MROH2B: variants seen among roughly 807,000 people sequenced by gnomAD.
MROH2B encodes the protein maestro heat-like repeat-containing protein family member 2B.
A neutral mutation model predicts 208.6 loss-of-function variants in MROH2B; 177 were observed. The ratio of observed to expected loss-of-function variants is 0.85; its 90% CI spans 0.75 to 0.96. The LOEUF (loss-of-function observed/expected upper bound fraction) is 0.96. Ranked by LOEUF, MROH2B falls within the 40% of genes least tolerant of loss-of-function variation. The probability of loss-of-function intolerance (pLI) is 0.00; values close to 1 mark genes in which losing one functional copy is unlikely to be tolerated. For synonymous variants in MROH2B, 728 were observed against 659.0 expected (o/e 1.10, Z -1.60); for missense variants, 2,002 against 1,878.7 (o/e 1.07, Z -1.21).
chr5:41,028,847 G>A (rs186296401), intron 24 of MROH2B, among the ~76,000 whole-genome samples: 1 of 152,186 alleles, frequency 6.6e-6, no homozygotes, highest in African/African-American at 2.4e-5. Context: ...ACATGGATGA[G>A]CTGTATAGTA....
intron 20 of MROH2B, 68 bp from the exon 21 acceptor site, chr5:41,038,956 T>C (rs929564532): frequency 2.0e-6 from 3 of 1,470,982 alleles, no homozygotes; most frequent in African/African-American, 1.4e-5. Flanking sequence ...CATGTTTTTT[T>C]CCTAATCCTG....
chr5:41,051,351 T>C (rs1327108990), intron 12 of MROH2B, among the ~76,000 whole-genome samples: 1 of 152,222 alleles, frequency 6.6e-6, no homozygotes, highest in Non-Finnish European at 1.5e-5. Flanking sequence ...ATATCCCCTC[T>C]CTTTCTCAGG....
At chr5:41,054,884 G>C (rs780796825) in intron 10 of MROH2B, 44 bp from the exon 11 acceptor site, 6 of 1,354,954 alleles carry the variant, frequency 4.4e-6, no homozygotes, top group East Asian at 4.6e-5. Flanking sequence ...CTCAATAGAA[G>C]TACAGTATGT....
intron 10 of MROH2B, among the ~76,000 whole-genome samples, chr5:41,055,349 T>A (rs1051929123): frequency 6.6e-6 from 1 of 152,262 alleles, no homozygotes; most frequent in Non-Finnish European, 1.5e-5. Context: ...TGAAAATATG[T>A]ACTTTCTGGA....
Position 41,057,249 on chromosome 5 carries a change from G to C in MROH2B, c.849+19C>G, listed in dbSNP as rs1390901785. The C allele has an allele frequency of 4.4e-6, 7 of 1,607,216 alleles. No individual in the cohort carries two copies. Among genetic ancestry groups the C allele is most frequent in the African/African-American group, 2.7e-5 (2 of 74,800 alleles). The stretch of plus-strand genomic sequence containing the variant: ...CCGGTTGAAATTAAAAATTGGAGTT[G>C]ACAGCATGGTCTTCTTACCTGCTGG... On this transcript the variant is annotated intron_variant, in intron 8 of 41. Transcript: ENST00000399564.
In MROH2B at chr5:41,063,701, C is replaced by T. The variant is rs571761511; in HGVS notation, c.460+771G>A. ...GAAGTGGAAGGGAACGTAGCAATCA[C>T]TTATTCTGATGTTTTTAGAGTTGAA... On this transcript the variant is annotated intron_variant, in intron 5 of 41. Coordinates refer to ENST00000399564, the MANE Select transcript of MROH2B (RefSeq NM_173489.5). Among the ~76,000 whole-genome samples the T allele has an allele frequency of 4.6e-4, 70 of 152,236 alleles. 2 individuals are homozygous for T. Among genetic ancestry groups the T allele is most frequent in the South Asian group, 1.5e-3 (7 of 4,822 alleles).
intron 30 of MROH2B, among the ~76,000 whole-genome samples, chr5:41,011,986 A>T (rs753318072): frequency 2.0e-5 from 3 of 152,118 alleles, no homozygotes; most frequent in Non-Finnish European, 4.4e-5. Flanking sequence ...CCTTCTTATT[A>T]ATGTTTGAAT....
chr5:41,069,666 A>C, intron 2 of MROH2B, 25 bp downstream of exon 2: 1 of 1,565,880 alleles, frequency 6.4e-7, no homozygotes, highest in African/African-American at 1.4e-5. Context: ...AAAAAGGGAA[A>C]AAGATTTTTC....
rs1041386856 is a variant in MROH2B, at chr5:41,009,446, C to T, written c.3294-40G>A. 7 of 1,602,472 alleles carry T rather than the reference C, an allele frequency of 4.4e-6. No homozygotes were observed. The African/African-American group carries it at 8.1e-5, about 18-fold the overall frequency. On this transcript the variant is annotated intron_variant, in intron 31 of 41. Transcript: ENST00000399564. ...CAGGAAATTGGTAGATAAGGCACAACCCCTCGGGCTGTAAGCTTTTCCATC... is the reference window on the plus strand; with the variant it reads ...CAGGAAATTGGTAGATAAGGCACAATCCCTCGGGCTGTAAGCTTTTCCATC...
In MROH2B at chr5:41,064,678, A is replaced by T. The variant is rs1193096965; in HGVS notation, c.362-108T>A. 4.2e-6 allele frequency: 3 copies of T among 707,694 alleles called. No individual in the cohort carries two copies. The Admixed American group carries it at 7.0e-5, about 16-fold the overall frequency. The allele number at this position is 707,694 out of a possible 1,614,324, so 43.8% of individuals were successfully genotyped here. On this transcript the variant is annotated intron_variant, in intron 4 of 41. Transcript: ENST00000399564. ...TTTCAGGGCTGCACGGAGGAGGCAG[A>T]TGAGGTGTAGTAGAAAGATGTTTCT...
chr5:41,039,240 T>A (rs1742866362), intron 20 of MROH2B, among the ~76,000 whole-genome samples: 1 of 152,138 alleles, frequency 6.6e-6, no homozygotes. Context: ...GCATTTAGGA[T>A]CTTCCAGATC....
chr5:41,000,479 G>T (rs1275721932), intron 38 of MROH2B, 128 bp from the exon 39 acceptor site: 1 of 1,345,624 alleles, frequency 7.4e-7, no homozygotes, highest in Admixed American at 2.8e-5. Context: ...TATAGTCATT[G>T]CTGGCACCTT....
chr5:41,008,822 G>C (rs200979562), intron 32 of MROH2B, 29 bp from the exon 33 acceptor site: 11 of 1,587,498 alleles, frequency 6.9e-6, no homozygotes, highest in Middle Eastern at 1.7e-4. Flanking sequence ...TCTTGGTCAG[G>C]CAGTCTCATT....
chr5:41,029,971 A>C (rs1195354934), intron 24 of MROH2B, among the ~76,000 whole-genome samples: 1 of 152,142 alleles, frequency 6.6e-6, no homozygotes, highest in Non-Finnish European at 1.5e-5. Context: ...AAACAAAACG[A>C]AACAAAAACT....
chr5:41,018,478 A>T, intron 26 of MROH2B, 48 bp from the exon 27 acceptor site: 2 of 1,565,678 alleles, frequency 1.3e-6, no homozygotes, highest in Non-Finnish European at 1.7e-6. Flanking sequence ...CTTCATATTC[A>T]TCTAGTTTCA....
rs369817555 is a variant in MROH2B, at chr5:41,015,370, A to G, written c.2982+11T>C. 242 of 1,611,212 alleles carry G rather than the reference A, an allele frequency of 1.5e-4. 3 individuals carry two copies. In the Middle Eastern group the frequency reaches 3.8e-3, roughly 25 times the overall value. On this transcript the variant is annotated intron_variant, in intron 29 of 41. Transcript: ENST00000399564. ...AATCTTTACATCCCCTGGCCACTCC[A>G]TATTTATTACCTTAGCTATTTTAGA... is the stretch of plus-strand genomic sequence containing the variant.
chr5:41,033,294 A>T, intron 22 of MROH2B, 134 bp from the exon 23 acceptor site: 1 of 1,268,316 alleles, frequency 7.9e-7, no homozygotes, highest in South Asian at 1.4e-5. Context: ...TCTCTACTCC[A>T]GACTAGGGTC....
intron 24 of MROH2B, among the ~76,000 whole-genome samples, chr5:41,020,006 C>T (rs1187193099): frequency 6.6e-6 from 1 of 152,040 alleles, no homozygotes; most frequent in Non-Finnish European, 1.5e-5. Context: ...CCCTTGACAA[C>T]CACTGATTTG....
chr5:41,015,424 T>A lies in MROH2B; in HGVS notation c.2939A>T (p.Asp980Val), dbSNP rs1460563380. ...AATCTTGATCTGAACCTGCACGTCA[T>A]CACTTTCCAGCCCTTCCTGCAAACC... ...LQGLQEGLES[D>V]DVQVQIKISS... The change falls in exon 29 of 42, where the codon GAT (aspartate) becomes GTT (valine). Residue 980 changes from aspartate (D) to valine (V), a missense_variant. Coordinates refer to ENST00000399564, the MANE Select transcript of MROH2B (RefSeq NM_173489.5). 6 of 1,613,550 alleles carry A rather than the reference T, an allele frequency of 3.7e-6. No homozygotes were observed. The Admixed American group carries it at 1.0e-4, about 27-fold the overall frequency.
Sources: allele counts gnomAD v4.1 joint callset (sites outside exome capture counted in the v4.1 genomes callset), GRCh38; gene constraint gnomAD v4.1.1; transcripts MANE v1.5; gene names NCBI Gene and HGNC (gene_info 2026-07-23, HGNC 2026-07-21).